The following DAAM2 variants were observed in gnomAD, a reference collection of about 807,000 sequenced individuals.
DAAM2 encodes the protein disheveled-associated activator of morphogenesis 2.
A neutral mutation model predicts 120.7 loss-of-function variants in DAAM2; 39 were observed. The ratio of observed to expected loss-of-function variants is 0.32; its 90% CI spans 0.25 to 0.42. The LOEUF (loss-of-function observed/expected upper bound fraction) is 0.42, where lower values mean the gene tolerates loss of function less well. Among genes scored for constraint, DAAM2 ranks in the 10% least tolerant of loss-of-function variants. The pLI, the probability that DAAM2 is intolerant of heterozygous loss-of-function variation, is 1.00. For missense variants in DAAM2, 1,283 were observed against 1,401.7 expected (o/e 0.92, Z 1.35); for synonymous variants, 488 against 524.9 (o/e 0.93, Z 0.96).
chr6:39,801,613 G>A (rs1761865930), intron 1 of DAAM2, among the ~76,000 whole-genome samples: 1 of 152,236 alleles, frequency 6.6e-6, no homozygotes, highest in South Asian at 2.1e-4. Context: ...TCCTCCTGAT[G>A]GGTGTTTGTT....
intron 23 of DAAM2, among the ~76,000 whole-genome samples, chr6:39,900,904 C>A (rs990273748): frequency 1.3e-5 from 2 of 152,124 alleles, no homozygotes; most frequent in African/African-American, 4.8e-5. Context: ...GATGTAGATT[C>A]TATTATTCCC....
rs183077748 is a variant in DAAM2, at chr6:39,896,924, C to T, written c.2454C>T (p.Tyr818=). The change falls in exon 20 of 25, where the codon TAC becomes TAT. Residue 818 remains tyrosine (Y), a synonymous_variant. Coordinates refer to ENST00000274867, the MANE Select transcript of DAAM2 (RefSeq NM_001201427.2). ...FMNKGQRGGA[Y]GFRVASLNKI... is the part of the protein sequence containing the mutation. ...ACAAAGGGCAGCGTGGGGGCGCCTA[C>T]GGGTTCCGGGTGGCCAGCCTCAACA... 1.7e-5 allele frequency: 28 copies of T among 1,613,624 alleles called. No individual in the cohort carries two copies. Among genetic ancestry groups the T allele is most frequent in the Admixed American group, 6.7e-5 (4 of 59,982 alleles).
chr6:39,840,113 G>T (rs1763267023), intron 1 of DAAM2, among the ~76,000 whole-genome samples: 1 of 152,142 alleles, frequency 6.6e-6, no homozygotes, highest in Non-Finnish European at 1.5e-5. Flanking sequence ...TATAGTCCCA[G>T]CTACTCGGGA....
chr6:39,884,001 A>G lies in DAAM2; in HGVS notation c.1885A>G (p.Met629Val). ...CACCGTATGGAATGAGATTGATGAC[A>G]TGCAGGTATTTCGGATCCTGGACCT... Reference protein sequence around the residue: ...PGTVWNEIDDMQVFRILDLED... With the variant: ...PGTVWNEIDDVQVFRILDLED... The change falls in exon 15 of 25, where the codon ATG (methionine) becomes GTG (valine). Residue 629 changes from methionine to valine, a missense_variant. Physicochemically the swap from Met to Val is conservative, Grantham distance 21. Coordinates refer to ENST00000274867, the MANE Select transcript of DAAM2 (RefSeq NM_001201427.2). 1.9e-6 allele frequency: 3 copies of G among 1,613,678 alleles called. No individual in the cohort carries two copies. Among genetic ancestry groups the G allele is most frequent in the South Asian group, 2.2e-5 (2 of 91,002 alleles).
intron 1 of DAAM2, among the ~76,000 whole-genome samples, chr6:39,801,879 CCAGGG>C (rs1761874704): frequency 6.6e-6 from 1 of 152,226 alleles, no homozygotes; most frequent in African/African-American, 2.4e-5. Context: ...GTTCCCTTGA[CCAGGG>C]CAGGGAGGGG....
At chr6:39,799,436 A>G (rs1761796405) in intron 1 of DAAM2, among the ~76,000 whole-genome samples, 1 of 152,326 alleles carries the variant, frequency 6.6e-6, no homozygotes, top group Admixed American at 6.5e-5. Flanking sequence ...TTGACTACAG[A>G]ATGTGTTGCA....
intron 5 of DAAM2, 84 bp downstream of exon 5, chr6:39,865,158 T>C: frequency 1.2e-6 from 1 of 807,994 alleles, no homozygotes; most frequent in South Asian, 1.5e-5. Flanking sequence ...TGCAGTGCTC[T>C]GCTCCCATGC....
chr6:39,826,690 A>T (rs1306860480), intron 1 of DAAM2, among the ~76,000 whole-genome samples: 1 of 152,190 alleles, frequency 6.6e-6, no homozygotes, highest in Non-Finnish European at 1.5e-5. Flanking sequence ...GCACACAAAA[A>T]TTAAGAAAAA....
chr6:39,841,592 G>A (rs1763343277), intron 1 of DAAM2, among the ~76,000 whole-genome samples: 1 of 152,058 alleles, frequency 6.6e-6, no homozygotes, highest in African/African-American at 2.4e-5. Flanking sequence ...GCTTCTGAAG[G>A]GGTGACAGGA....
chr6:39,891,106 G>C (rs889468238), intron 17 of DAAM2, among the ~76,000 whole-genome samples: 1 of 134,200 alleles, frequency 7.5e-6, no homozygotes, highest in Non-Finnish European at 1.6e-5. Context: ...AAAAAAAAAA[G>C]AAAGAAATAC....
At chr6:39,824,400 C>T (rs1582625235) in intron 1 of DAAM2, among the ~76,000 whole-genome samples, 1 of 152,174 alleles carries the variant, frequency 6.6e-6, no homozygotes, top group East Asian at 1.9e-4. Context: ...ATCTCTGGCC[C>T]TGTAACCTGA....
In DAAM2 at chr6:39,901,808, C is replaced by T. The variant is rs537337977; in HGVS notation, c.2983-5C>T. On this transcript the variant is annotated splice_polypyrimidine_tract_variant and splice_region_variant and intron_variant, in intron 24 of 24. Coordinates refer to ENST00000274867, the MANE Select transcript of DAAM2 (RefSeq NM_001201427.2). This position sits in a 1 kb window ranked among gnomAD's most constrained non-coding sequence, Gnocchi z 4.5. ...GGGTTCCTATCTTTGGCCCCCCGCC[C>T]GCAGCTGAAGGAGCAGAGGGAACGT... 127 of 1,522,446 alleles carry T rather than the reference C, an allele frequency of 8.3e-5. No individual in the cohort carries two copies. In the East Asian group the frequency reaches 1.7e-3, roughly 20 times the overall value. 94.3% of individuals were successfully genotyped at this position (1,522,446 alleles called of 1,614,324 possible).
intron 19 of DAAM2, among the ~76,000 whole-genome samples, chr6:39,893,642 T>A (rs111948475): frequency 6.6e-6 from 1 of 152,370 alleles, no homozygotes; most frequent in South Asian, 2.1e-4. Context: ...TACTCTTCTA[T>A]AGCTCTGCTC....
chr6:39,881,638 G>T (rs1052905887), intron 14 of DAAM2, among the ~76,000 whole-genome samples: 1 of 152,128 alleles, frequency 6.6e-6, no homozygotes, highest in Non-Finnish European at 1.5e-5. Context: ...AATTAAACCT[G>T]GGGGGCGGAG....
intron 16 of DAAM2, 84 bp downstream of exon 16, chr6:39,887,676 T>G: frequency 1.1e-6 from 1 of 899,984 alleles, no homozygotes; most frequent in Non-Finnish European, 1.8e-6. Flanking sequence ...CTCGGGCCTC[T>G]CCCTCTCTGC....
At chr6:39,846,203 T>C (rs1373887444) in intron 1 of DAAM2, among the ~76,000 whole-genome samples, 1 of 152,168 alleles carries the variant, frequency 6.6e-6, no homozygotes, top group African/African-American at 2.4e-5. Context: ...TGAGTTTACC[T>C]GCACGTACCC....
intron 19 of DAAM2, among the ~76,000 whole-genome samples, chr6:39,895,705 C>CA (rs1253867805): frequency 6.6e-6 from 1 of 152,168 alleles, no homozygotes; most frequent in Non-Finnish European, 1.5e-5. Flanking sequence ...AACTAGTAGA[C>CA]AAAATCTCAG....
chr6:39,856,922 G>A (rs1764031231), intron 2 of DAAM2, among the ~76,000 whole-genome samples: 1 of 152,212 alleles, frequency 6.6e-6, no homozygotes, highest in South Asian at 2.1e-4. Context: ...CGGAACAGGG[G>A]ATGATTGGCT....
intron 1 of DAAM2, among the ~76,000 whole-genome samples, chr6:39,835,547 A>G (rs756623992): frequency 3.9e-5 from 6 of 152,086 alleles, no homozygotes; most frequent in Non-Finnish European, 5.9e-5. Context: ...CTTTTTTCGT[A>G]TTGGTGCCAG....
Sources: allele counts gnomAD v4.1 joint callset (sites outside exome capture counted in the v4.1 genomes callset), GRCh38; gene constraint gnomAD v4.1.1; non-coding constraint Gnocchi (gnomAD v3.1); transcripts MANE v1.5; gene names NCBI Gene and HGNC (gene_info 2026-07-23, HGNC 2026-07-21).